Variants in MOXD1 observed in about 807,000 individuals in gnomAD.
The protein encoded by MOXD1 is DBH-like monooxygenase protein 1.
Under a neutral mutation model 66.6 loss-of-function variants are expected in MOXD1, and 62 were observed. The observed-to-expected ratio is 0.93, with a 90% CI of 0.76 to 1.15. The LOEUF is 1.15. Among genes scored for constraint, MOXD1 ranks in the 50% most tolerant of loss-of-function variants. The probability of loss-of-function intolerance (pLI) is 0.00; values close to 1 mark genes in which losing one functional copy is unlikely to be tolerated. For missense variants in MOXD1, 847 were observed against 754.6 expected, an observed-to-expected ratio of 1.12 and a Z score of -1.44; for synonymous variants, 303 against 281.9, an observed-to-expected ratio of 1.07 and a Z score of -0.75.
chr6:132,331,087 G>A lies in MOXD1; in HGVS notation c.664-2493C>T, dbSNP rs191171400. ...GTTATCGTTCAAGCATGGTTGCATA[G>A]TAACAATGATTGCACAGAAGTAAAA... On this transcript the variant is annotated intron_variant, in intron 4 of 11. Coordinates refer to ENST00000367963, the MANE Select transcript of MOXD1 (RefSeq NM_015529.4). 4.1e-3 allele frequency among the ~76,000 whole-genome samples: 625 copies of A among 152,300 alleles called. 5 individuals carry two copies. Among genetic ancestry groups the A allele is most frequent in the Middle Eastern group, 0.024 (7 of 294 alleles).
chr6:132,367,392 T>C (rs1776169613), intron 4 of MOXD1, among the ~76,000 whole-genome samples: 1 of 152,124 alleles, frequency 6.6e-6, no homozygotes, highest in African/African-American at 2.4e-5. Flanking sequence ...ATTAAACTCA[T>C]TTGATTCACT....
At chr6:132,338,243 C>T (rs1472922764) in intron 4 of MOXD1, among the ~76,000 whole-genome samples, 3 of 152,184 alleles carry the variant, frequency 2.0e-5, no homozygotes, top group Non-Finnish European at 4.4e-5. Flanking sequence ...ACGTGATATA[C>T]TCGTATCTTT....
At chr6:132,399,117 T>A (rs937083266) in intron 1 of MOXD1, among the ~76,000 whole-genome samples, 4 of 152,144 alleles carry the variant, frequency 2.6e-5, no homozygotes, top group African/African-American at 9.7e-5. Context: ...GATACATTTA[T>A]TTCATTTATA....
chr6:132,399,905 G>C (rs1042141143), intron 1 of MOXD1, among the ~76,000 whole-genome samples: 14 of 152,216 alleles, frequency 9.2e-5, no homozygotes, highest in African/African-American at 3.4e-4. Context: ...TAATGTCTGA[G>C]ATGCTGCAGG....
chr6:132,362,944 G>A (rs557986999), intron 4 of MOXD1, among the ~76,000 whole-genome samples: 117 of 152,152 alleles, frequency 7.7e-4, no homozygotes, highest in Admixed American at 3.9e-3. Context: ...ATGAAACTTC[G>A]TATGTGTCAT....
chr6:132,338,006 C>T (rs531300633), intron 4 of MOXD1, among the ~76,000 whole-genome samples: 1 of 152,172 alleles, frequency 6.6e-6, no homozygotes, highest in Non-Finnish European at 1.5e-5. Context: ...ATAAGTAAGT[C>T]ACATGATAAT....
At chr6:132,312,171 C>A (rs530983280) in intron 10 of MOXD1, among the ~76,000 whole-genome samples, 11 of 151,848 alleles carry the variant, frequency 7.2e-5, no homozygotes, top group East Asian at 1.9e-4. Context: ...AGAAATAGCA[C>A]CCCCGAGAAC....
At chr6:132,341,327 A>AC (rs1330671170) in intron 4 of MOXD1, among the ~76,000 whole-genome samples, 1 of 152,184 alleles carries the variant, frequency 6.6e-6, no homozygotes, top group Non-Finnish European at 1.5e-5. Context: ...GACACCAATG[A>AC]CAGTGCCTTG....
chr6:132,365,968 T>A (rs1776113562), intron 4 of MOXD1, among the ~76,000 whole-genome samples: 1 of 152,122 alleles, frequency 6.6e-6, no homozygotes, highest in East Asian at 1.9e-4. Flanking sequence ...GAGGAATAAT[T>A]TTTGGCATCC....
At chr6:132,398,276 C>G (rs1308461465) in intron 1 of MOXD1, among the ~76,000 whole-genome samples, 2 of 152,046 alleles carry the variant, frequency 1.3e-5, no homozygotes, top group Non-Finnish European at 2.9e-5. Flanking sequence ...TCTACCTGAT[C>G]GATAAAAATT....
At chr6:132,297,402 G>T in intron 11 of MOXD1, 85 bp from the exon 12 acceptor site, 1 of 1,407,650 alleles carries the variant, frequency 7.1e-7, no homozygotes, top group Non-Finnish European at 9.8e-7. Context: ...CCACACTTCT[G>T]CAGGGGATAA....
rs1430676271 is a variant in MOXD1, at chr6:132,303,701, GTATACA to G, written c.1509-5752_1509-5747del. 4.4e-5 allele frequency among the ~76,000 whole-genome samples: 3 copies of G among 67,470 alleles called. No homozygotes were observed. The African/African-American group carries it at 4.9e-4, about 11-fold the overall frequency. The allele number at this position is 67,470 out of a possible 152,430, so 44.3% of individuals were successfully genotyped here. On this transcript the variant is annotated intron_variant, in intron 10 of 11. Coordinates refer to ENST00000367963, the MANE Select transcript of MOXD1 (RefSeq NM_015529.4). ...CATCTGGGAAAGCAGAGGGCTGACT[GTATACA>G]TACACACACACACACACACACACAC...
intron 4 of MOXD1, among the ~76,000 whole-genome samples, chr6:132,365,291 C>A (rs912280398): frequency 2.0e-5 from 3 of 152,124 alleles, no homozygotes; most frequent in Admixed American, 6.5e-5. Context: ...TGCCTCCAAA[C>A]TTATCCTCCA....
intron 4 of MOXD1, among the ~76,000 whole-genome samples, chr6:132,369,386 A>C (rs1480294181): frequency 6.6e-6 from 1 of 152,124 alleles, no homozygotes; most frequent in Non-Finnish European, 1.5e-5. Context: ...CTGAAGTGAG[A>C]CAGCAAAATT....
At chr6:132,326,630 G>A (rs553023704) in intron 6 of MOXD1, among the ~76,000 whole-genome samples, 9 of 152,048 alleles carry the variant, frequency 5.9e-5, no homozygotes, top group South Asian at 2.1e-4. Flanking sequence ...ATGATTTCAC[G>A]GAAAATCTAA....
At chr6:132,365,000 T>C (rs2114648309) in intron 4 of MOXD1, among the ~76,000 whole-genome samples, 1 of 152,220 alleles carries the variant, frequency 6.6e-6, no homozygotes, top group African/African-American at 2.4e-5. Flanking sequence ...TTTGATTTGT[T>C]GTGAATACTT....
At position 132,322,823 on chromosome 6, in the gene MOXD1, A is replaced by G; in HGVS notation, c.1161T>C (p.Leu387=). ...KPSGIHVFAV[L]LHAHLAGRGI... ...CTCTGCCAGCCAGGTGAGCATGGAG[A>G]AGAACAGCAAACACATGAATTCCAC... Residue 387 remains leucine, a synonymous_variant, in exon 8 of 12, where the codon CTT becomes CTC. Coordinates refer to ENST00000367963, the MANE Select transcript of MOXD1 (RefSeq NM_015529.4). 6.2e-7 allele frequency: 1 copy of G among 1,614,016 alleles called. No individual in the cohort carries two copies. Among genetic ancestry groups the G allele is most frequent in the Non-Finnish European group, 8.5e-7 (1 of 1,179,944 alleles).
chr6:132,308,382 C>T (rs1361503790), intron 10 of MOXD1, among the ~76,000 whole-genome samples: 2 of 152,034 alleles, frequency 1.3e-5, no homozygotes, highest in Admixed American at 6.6e-5. Context: ...TAATTAATAG[C>T]CTACTAACAA....
intron 4 of MOXD1, among the ~76,000 whole-genome samples, chr6:132,338,246 G>T (rs552022616): frequency 6.6e-6 from 1 of 152,130 alleles, no homozygotes; most frequent in East Asian, 1.9e-4. Context: ...TGATATACTC[G>T]TATCTTTATT....
Sources: allele counts gnomAD v4.1 joint callset (sites outside exome capture counted in the v4.1 genomes callset), GRCh38; gene constraint gnomAD v4.1.1; transcripts MANE v1.5; gene names NCBI Gene and HGNC (gene_info 2026-07-23, HGNC 2026-07-21).